The following RFX2 variants were observed in gnomAD, a reference collection of about 807,000 sequenced individuals.
RFX2 encodes DNA-binding protein RFX2.
A neutral mutation model predicts 87.8 loss-of-function variants in RFX2; 20 were observed. The ratio of observed to expected loss-of-function variants is 0.23; its 90% CI spans 0.16 to 0.33. The LOEUF is 0.33. Ranked by LOEUF, RFX2 falls within the 10% of genes least tolerant of loss-of-function variation. RFX2 has a pLI of 1.00. For missense variants in RFX2, 767 were observed against 1,012.3 expected (o/e 0.76, Z 3.29); for synonymous variants, 397 against 431.3 (o/e 0.92, Z 0.98).
At position 6,044,258 on chromosome 19, in the gene RFX2, A is replaced by C; in HGVS notation, c.115T>G (p.Ser39Ala). 1 of 1,570,580 alleles carries C rather than the reference A, an allele frequency of 6.4e-7. No individual in the cohort carries two copies. The highest frequency in any genetic ancestry group is 8.6e-7 in the Non-Finnish European group (1 of 1,158,504). Residue 39 changes from serine to alanine, a missense_variant, in exon 3 of 18, where the codon TCC becomes GCC. Around this residue, in one of 2 missense-constraint regions of RFX2, gnomAD observed 146 missense variants for 139.2 expected, o/e 1.05. Transcript: ENST00000303657. This position sits in a 1 kb window ranked among gnomAD's most constrained non-coding sequence, Gnocchi z 5.3. ...PQRVLVQAAS[S>A]NPKGAQMQPI... ...TGCATCTGGGCCCCTTTGGGATTGGAGCTGGCTGCCTGGACCAACACCCTC... is the reference window on the plus strand; with the variant it reads ...TGCATCTGGGCCCCTTTGGGATTGGCGCTGGCTGCCTGGACCAACACCCTC...
chr19:6,035,581 C>G (rs986182603), intron 5 of RFX2, among the ~76,000 whole-genome samples: 1 of 152,172 alleles, frequency 6.6e-6, no homozygotes, highest in African/African-American at 2.4e-5. Context: ...AGTGTTTGTG[C>G]TCTGTCTTTA....
chr19:6,080,646 A>G (rs1316716424), intron 1 of RFX2, among the ~76,000 whole-genome samples: 1 of 152,118 alleles, frequency 6.6e-6, no homozygotes, highest in Non-Finnish European at 1.5e-5. Context: ...CAACCTTGGG[A>G]GGATGTGGGA....
Position 6,007,092 on chromosome 19 carries a change from C to T in RFX2, c.1322G>A (p.Arg441Lys), listed in dbSNP as rs140345035. ...GATGTGGTCGCAGCTCCTCATCCAC[C>T]TGAGGATGGGGTCGCACTGACACAG... ...ISLCQCDPILRWMRSCDHILY... is the reference protein window; with the variant it reads ...ISLCQCDPILKWMRSCDHILY... The change falls in exon 12 of 18, where the codon AGG (arginine) becomes AAG (lysine). Residue 441 changes from arginine to lysine, a missense_variant. Arg to Lys is a conservative substitution (Grantham distance 26). Around this residue, in one of 2 missense-constraint regions of RFX2, gnomAD observed 621 missense variants for 873.0 expected, o/e 0.71. Transcript: ENST00000303657. The surrounding 1 kb of genome is among the most constrained non-coding windows in gnomAD (Gnocchi z 8.2). The T allele has an allele frequency of 2.5e-6, 4 of 1,613,862 alleles. No individual in the cohort carries two copies. In the African/African-American group the frequency reaches 4.0e-5, roughly 16 times the overall value.
At position 6,053,538 on chromosome 19, in the gene RFX2, G is replaced by A. The variant is rs1422130588; in HGVS notation, c.-8-6034C>T. Among the ~76,000 whole-genome samples the A allele has an allele frequency of 3.3e-5, 5 of 152,192 alleles. No individual in the cohort carries two copies. In the South Asian group the frequency reaches 6.2e-4, roughly 19 times the overall value. On this transcript the variant is annotated intron_variant, in intron 1 of 17. Coordinates refer to ENST00000303657, the MANE Select transcript of RFX2 (RefSeq NM_000635.4). ...GCAGATTTCATCAACTGTAACAAAT[G>A]TACAACTCTGGTGGGTGATGGTGAT...
At position 6,027,358 on chromosome 19, in the gene RFX2, C is replaced by T. The variant is rs963386791; in HGVS notation, c.523-1121G>A. The T allele has an allele frequency of 6.6e-6, 1 of 152,268 alleles. No homozygotes were observed. The highest frequency in any genetic ancestry group is 6.5e-5 in the Admixed American group (1 of 15,276). 9.4% of individuals were successfully genotyped at this position (152,268 alleles called of 1,614,324 possible). ...ACCTTTAAGAAGTGCAGAAGGTACA[C>T]TGGAGGACCAGGGGAAAGTAGGATG... On this transcript the variant is annotated intron_variant, in intron 5 of 17. Coordinates refer to ENST00000303657, the MANE Select transcript of RFX2 (RefSeq NM_000635.4). The surrounding 1 kb of genome is among the most constrained non-coding windows in gnomAD (Gnocchi z 5.0).
intron 1 of RFX2, among the ~76,000 whole-genome samples, chr19:6,096,412 G>A (rs1214633594): frequency 1.3e-5 from 2 of 151,650 alleles, no homozygotes; most frequent in African/African-American, 2.4e-5. Context: ...TTGATACTGC[G>A]CACACTCTCG....
intron 9 of RFX2, among the ~76,000 whole-genome samples, chr19:6,008,436 G>A (rs867087406): frequency 3.3e-4 from 49 of 150,704 alleles, no homozygotes; most frequent in African/African-American, 1.1e-3. Context: ...GCAGTGGCAC[G>A]ATCTCGGTTC....
intron 1 of RFX2, among the ~76,000 whole-genome samples, chr19:6,051,605 G>T (rs1395551385): frequency 6.6e-6 from 1 of 151,854 alleles, no homozygotes; most frequent in East Asian, 1.9e-4. Context: ...ATAAAGGCAA[G>T]AAATAAAGAA....
chr19:6,001,674 T>C lies in RFX2; in HGVS notation c.1859+141A>G. Reference sequence around the variant, plus strand: ...GTGAGGCCCCCAGCCAGGTAGTTGTTTTTTGCGGGTTCAGACACTGCTGCA... The same window carrying C: ...GTGAGGCCCCCAGCCAGGTAGTTGTCTTTTGCGGGTTCAGACACTGCTGCA... On this transcript the variant is annotated intron_variant, in intron 15 of 17. Coordinates refer to ENST00000303657, the MANE Select transcript of RFX2 (RefSeq NM_000635.4). This position sits in a 1 kb window ranked among gnomAD's most constrained non-coding sequence, Gnocchi z 5.6. 1 of 703,446 alleles carries C rather than the reference T, an allele frequency of 1.4e-6. No homozygotes were observed. Among genetic ancestry groups the C allele is most frequent in the South Asian group, 2.2e-5 (1 of 46,078 alleles). The allele number at this position is 703,446 out of a possible 1,614,324, so 43.6% of individuals were successfully genotyped here. A position where few individuals can be genotyped will look rare whatever the true frequency, so the allele number is the denominator to read the frequency against.
intron 1 of RFX2, among the ~76,000 whole-genome samples, chr19:6,090,541 TA>T (rs1447008640): frequency 3.3e-5 from 5 of 151,680 alleles, no homozygotes; most frequent in East Asian, 3.9e-4. Flanking sequence ...CAGGGAAAAA[TA>T]AAAGTGTTGG....
intron 1 of RFX2, among the ~76,000 whole-genome samples, chr19:6,055,384 T>C (rs917020844): frequency 6.6e-6 from 1 of 152,208 alleles, no homozygotes; most frequent in Middle Eastern, 3.2e-3. Context: ...TTCAAAAAAA[T>C]AATAACAACT....
chr19:6,053,673 G>C (rs1309546149), intron 1 of RFX2, among the ~76,000 whole-genome samples: 3 of 152,066 alleles, frequency 2.0e-5, no homozygotes, highest in African/African-American at 7.2e-5. Flanking sequence ...AGCAAGTCTT[G>C]GCCAGGCATG....
chr19:5,998,291 G>C lies in RFX2; in HGVS notation c.1860-1078C>G, dbSNP rs1291445439. ...TCGCTGCACTCTAGCCTGGGTGACA[G>C]AGCAACACTCCATCTCAAAAAAAAA... On this transcript the variant is annotated intron_variant, in intron 15 of 17. Coordinates refer to ENST00000303657, the MANE Select transcript of RFX2 (RefSeq NM_000635.4). This position sits in a 1 kb window ranked among gnomAD's most constrained non-coding sequence, Gnocchi z 4.2. 6.6e-6 allele frequency among the ~76,000 whole-genome samples: 1 copy of C among 151,220 alleles called. No individual in the cohort carries two copies. The highest frequency in any genetic ancestry group is 2.1e-4 in the South Asian group (1 of 4,774).
chr19:6,029,689 C>T (rs1212004247), intron 5 of RFX2, among the ~76,000 whole-genome samples: 1 of 152,140 alleles, frequency 6.6e-6, no homozygotes, highest in Admixed American at 6.5e-5. Context: ...ACCTGGGTGA[C>T]AGAGTGAGAT....
chr19:6,003,011 T>G (rs2086515137), intron 13 of RFX2, 141 bp from the exon 14 acceptor site: 8 of 915,868 alleles, frequency 8.7e-6, no homozygotes, highest in Non-Finnish European at 1.3e-5. Flanking sequence ...AGAGGGAACC[T>G]CCTGCTATTC....
intron 1 of RFX2, among the ~76,000 whole-genome samples, chr19:6,084,010 G>C (rs1232165381): frequency 6.6e-6 from 1 of 152,090 alleles, no homozygotes; most frequent in East Asian, 1.9e-4. Context: ...AGACCTCTTG[G>C]GCAGGGAGAA....
Position 6,064,560 on chromosome 19 carries a change from T to A in RFX2, c.-8-17056A>T, listed in dbSNP as rs1207190972. On this transcript the variant is annotated intron_variant, in intron 1 of 17. Transcript: ENST00000303657. This position sits in a 1 kb window ranked among gnomAD's most constrained non-coding sequence, Gnocchi z 4.8. Reference sequence around the variant, plus strand: ...AAGTGACAGTTCCTCAGCAGTAGCATCTCCTGCTTTCTCAGCCTGGTGACC... The same window carrying A: ...AAGTGACAGTTCCTCAGCAGTAGCAACTCCTGCTTTCTCAGCCTGGTGACC... 6.6e-6 allele frequency among the ~76,000 whole-genome samples: 1 copy of A among 152,162 alleles called. No homozygotes were observed. The highest frequency in any genetic ancestry group is 1.5e-5 in the Non-Finnish European group (1 of 68,018).
chr19:6,087,535 A>T (rs189621021), intron 1 of RFX2, among the ~76,000 whole-genome samples: 1 of 152,228 alleles, frequency 6.6e-6, no homozygotes, highest in Admixed American at 6.5e-5. Context: ...CTGATTTACC[A>T]CATCTAGCCA....
chr19:6,082,122 A>G (rs868086187), intron 1 of RFX2, among the ~76,000 whole-genome samples: 27 of 152,098 alleles, frequency 1.8e-4, no homozygotes, highest in African/African-American at 6.5e-4. Flanking sequence ...AAACAAAAAC[A>G]AAAACAAAAA....
Sources: allele counts gnomAD v4.1 joint callset (sites outside exome capture counted in the v4.1 genomes callset), GRCh38; gene constraint gnomAD v4.1.1; regional missense constraint gnomAD v4.1.1; non-coding constraint Gnocchi (gnomAD v3.1); transcripts MANE v1.5; gene names NCBI Gene and HGNC (gene_info 2026-07-23, HGNC 2026-07-21).